EIF4G3: variants seen among roughly 807,000 people sequenced by gnomAD.
The protein encoded by EIF4G3 is eIF-4-gamma 3.
EIF4G3 carries 34 observed loss-of-function variants against 186.4 expected under a neutral mutation model. The observed-to-expected ratio is 0.18, with a 90% CI of 0.14 to 0.24. EIF4G3 has a LOEUF of 0.24. Among genes scored for constraint, EIF4G3 ranks in the 10% least tolerant of loss-of-function variants. EIF4G3 has a pLI of 1.00. For synonymous variants in EIF4G3, 673 were observed against 679.5 expected (o/e 0.99, Z 0.15); for missense variants, 1,536 against 1,948.5 (o/e 0.79, Z 3.99).
At chr1:20,892,003 G>A (rs1425586696) in intron 18 of EIF4G3, among the ~76,000 whole-genome samples, 1 of 152,074 alleles carries the variant, frequency 6.6e-6, no homozygotes, top group Non-Finnish European at 1.5e-5. Flanking sequence ...GTGGTTTTCG[G>A]TAGTTTTACA....
At chr1:21,086,199 C>CTTTTTTTTT (rs397979515) in intron 3 of EIF4G3, among the ~76,000 whole-genome samples, 1 of 95,222 alleles carries the variant, frequency 1.1e-5, no homozygotes, top group African/African-American at 4.3e-5. Context: ...ACATGATACT[C>CTTTTTTTTT]TTTTTTTTTT....
At chr1:21,002,536 C>G (rs924914352) in intron 5 of EIF4G3, among the ~76,000 whole-genome samples, 177 bp downstream of exon 5, 5 of 152,046 alleles carry the variant, frequency 3.3e-5, no homozygotes, top group African/African-American at 1.2e-4. Flanking sequence ...TTAATTATTG[C>G]TATAGGTAAG....
At chr1:20,986,266 T>C (rs190946896) in intron 7 of EIF4G3, among the ~76,000 whole-genome samples, 233 of 152,278 alleles carry the variant, frequency 1.5e-3, no homozygotes, top group Middle Eastern at 3.4e-3. Context: ...CCAGCTCCAA[T>C]TCCATTAATG....
At chr1:20,825,023 C>T (rs921875274) in intron 33 of EIF4G3, 77 bp downstream of exon 33, 66 of 903,930 alleles carry the variant, frequency 7.3e-5, no homozygotes, top group Non-Finnish European at 8.8e-5. Flanking sequence ...GACTGGAATA[C>T]GAAGGAAATT....
chr1:21,033,647 C>G (rs888088975), intron 4 of EIF4G3, among the ~76,000 whole-genome samples: 11 of 152,208 alleles, frequency 7.2e-5, no homozygotes, highest in Admixed American at 4.6e-4. Flanking sequence ...ACAGCCAGGT[C>G]TCTGTTTTGA....
intron 2 of EIF4G3, among the ~76,000 whole-genome samples, chr1:21,122,935 T>C (rs1396050519): frequency 2.0e-5 from 3 of 152,102 alleles, no homozygotes; most frequent in Non-Finnish European, 4.4e-5. Context: ...AAATAATGTA[T>C]TAGGGCAAAA....
chr1:20,930,370 T>C (rs536089600), intron 14 of EIF4G3, among the ~76,000 whole-genome samples: 26 of 152,260 alleles, frequency 1.7e-4, no homozygotes, highest in Non-Finnish European at 3.7e-4. Context: ...ACCCTTCCGC[T>C]GTTTTATCAA....
At chr1:20,840,214 T>C (rs1222867574) in intron 30 of EIF4G3, among the ~76,000 whole-genome samples, 1 of 152,246 alleles carries the variant, frequency 6.6e-6, no homozygotes, top group Non-Finnish European at 1.5e-5. Context: ...ACAAGGAACC[T>C]GATCCATGTA....
intron 3 of EIF4G3, among the ~76,000 whole-genome samples, chr1:21,080,964 A>G (rs1012159305): frequency 6.6e-6 from 1 of 152,252 alleles, no homozygotes; most frequent in Non-Finnish European, 1.5e-5. Flanking sequence ...AATTTCTCTA[A>G]GTAAAATATA....
Position 20,895,437 on chromosome 1 carries a change from G to T in EIF4G3, c.2064C>A (p.Phe688Leu). The change falls in exon 17 of 37, where the codon TTC becomes TTA. Residue 688 changes from phenylalanine (F) to leucine (L), a missense_variant. Physicochemically the swap from Phe to Leu is conservative, Grantham distance 22. Around this residue, in one of 11 missense-constraint regions of EIF4G3, gnomAD observed 139 missense variants for 192.8 expected, o/e 0.72. Coordinates refer to ENST00000602326, the MANE Select transcript of EIF4G3 (RefSeq NM_001391906.1). The part of the protein sequence containing the change: ...KQYDREFLLD[F>L]QFMPACIQKP... Reference sequence around the variant, plus strand: ...TTTGTATACAGGCAGGCATGAACTGGAAGTCCAGCAGAAACTCCCTGTCAT... The same window carrying T: ...TTTGTATACAGGCAGGCATGAACTGTAAGTCCAGCAGAAACTCCCTGTCAT... 1 of 1,614,038 alleles carries T rather than the reference G, an allele frequency of 6.2e-7. No individual in the cohort carries two copies. Among genetic ancestry groups the T allele is most frequent in the Non-Finnish European group, 8.5e-7 (1 of 1,179,952 alleles).
At chr1:20,948,104 A>T (rs1187110289) in intron 13 of EIF4G3, among the ~76,000 whole-genome samples, 1 of 152,258 alleles carries the variant, frequency 6.6e-6, no homozygotes, top group African/African-American at 2.4e-5. Context: ...GCCTCTTTGC[A>T]TGGGAAGTAT....
intron 7 of EIF4G3, among the ~76,000 whole-genome samples, chr1:20,984,878 G>A (rs925994083): frequency 2.6e-5 from 4 of 152,102 alleles, no homozygotes; most frequent in Admixed American, 2.0e-4. Flanking sequence ...GTGAGCCACC[G>A]TGCCCAGTCA....
chr1:20,908,353 T>C (rs1396300587), intron 14 of EIF4G3, among the ~76,000 whole-genome samples: 2 of 152,234 alleles, frequency 1.3e-5, no homozygotes, highest in African/African-American at 4.8e-5. Flanking sequence ...AAAATGTTTT[T>C]CTTCAGAGCT....
intron 19 of EIF4G3, among the ~76,000 whole-genome samples, 153 bp downstream of exon 19, chr1:20,886,048 C>A (rs1165704456): frequency 6.6e-6 from 1 of 152,160 alleles, no homozygotes; most frequent in African/African-American, 2.4e-5. Context: ...GGTTGCCTGG[C>A]ATCCATAATG....
intron 14 of EIF4G3, among the ~76,000 whole-genome samples, chr1:20,909,396 G>C (rs1484736249): frequency 1.3e-5 from 2 of 152,074 alleles, no homozygotes; most frequent in Non-Finnish European, 2.9e-5. Context: ...ATGTTACACA[G>C]TAAGTACAAG....
intron 34 of EIF4G3, 105 bp downstream of exon 34, chr1:20,817,284 AAAT>A (rs1180484968): frequency 5.2e-6 from 2 of 384,752 alleles, no homozygotes; most frequent in African/African-American, 3.5e-5. Flanking sequence ...AAATAAAAAA[AAAT>A]AAAAATAAAA....
intron 32 of EIF4G3, among the ~76,000 whole-genome samples, chr1:20,826,046 A>G (rs897398274): frequency 6.6e-6 from 1 of 152,178 alleles, no homozygotes; most frequent in African/African-American, 2.4e-5. Context: ...ATATAGTTGA[A>G]CCAGAATTTG....
intron 2 of EIF4G3, among the ~76,000 whole-genome samples, chr1:21,109,378 C>T (rs1037766969): frequency 1.3e-5 from 2 of 152,168 alleles, no homozygotes; most frequent in African/African-American, 2.4e-5. Context: ...GACATGGTGG[C>T]TCATGCCTGT....
chr1:21,158,625 C>T (rs141514007), intron 2 of EIF4G3, among the ~76,000 whole-genome samples: 3 of 152,256 alleles, frequency 2.0e-5, no homozygotes, highest in Non-Finnish European at 2.9e-5. Flanking sequence ...TAAAACACAA[C>T]ATAAACTAGG....
Sources: allele counts gnomAD v4.1 joint callset (sites outside exome capture counted in the v4.1 genomes callset), GRCh38; gene constraint gnomAD v4.1.1; regional missense constraint gnomAD v4.1.1; transcripts MANE v1.5; gene names NCBI Gene and HGNC (gene_info 2026-07-23, HGNC 2026-07-21).